CNTLN: variants seen among roughly 807,000 people sequenced by gnomAD.
The protein encoded by CNTLN is centlein, also known as centlein, centrosomal protein.
Under a neutral mutation model 180.0 loss-of-function variants are expected in CNTLN, and 212 were observed. That is an observed-to-expected ratio of 1.18 (90% CI 1.05 to 1.32). CNTLN has a LOEUF of 1.32. Among genes scored for constraint, CNTLN ranks in the 40% most tolerant of loss-of-function variants. CNTLN has a pLI of 0.00. For missense variants in CNTLN, 2,095 were observed against 1,610.9 expected, an observed-to-expected ratio of 1.30 and a Z score of -5.14; for synonymous variants, 722 against 563.1, an observed-to-expected ratio of 1.28 and a Z score of -3.99.
intron 11 of CNTLN, among the ~76,000 whole-genome samples, chr9:17,341,330 A>C (rs1821466217): frequency 6.6e-6 from 1 of 152,224 alleles, no homozygotes. Context: ...AAAGTATTTA[A>C]ATTTTAGTGG....
At chr9:17,191,367 C>T (rs1411234945) in intron 2 of CNTLN, among the ~76,000 whole-genome samples, 1 of 152,200 alleles carries the variant, frequency 6.6e-6, no homozygotes, top group Admixed American at 6.5e-5. Flanking sequence ...GTAGTCTGTG[C>T]AGTGTCCAAT....
chr9:17,273,804 A>T lies in CNTLN; in HGVS notation c.921A>T (p.Ser307=), dbSNP rs750579592. ...EVSQSKYNAL[S]LQLSNKQTEL... is the part of the protein sequence containing the mutation. ...CACAGAGTAAATACAATGCTCTATC[A>T]TTACAGTTGAGTAATAAACAGACTG... is the stretch of plus-strand genomic sequence containing the variant. Residue 307 remains serine (S), a synonymous_variant, in exon 6 of 26, where the codon TCA becomes TCT. Coordinates refer to ENST00000380647, the MANE Select transcript of CNTLN (RefSeq NM_017738.4). 3.2e-6 allele frequency: 5 copies of T among 1,576,174 alleles called. No individual in the cohort carries two copies.
chr9:17,322,951 T>A (rs1820017712), intron 8 of CNTLN, among the ~76,000 whole-genome samples: 1 of 152,232 alleles, frequency 6.6e-6, no homozygotes, highest in Non-Finnish European at 1.5e-5. Flanking sequence ...TATGCCTTGA[T>A]AACTTGTAAT....
chr9:17,333,071 A>G lies in CNTLN; in HGVS notation c.1644+341A>G, dbSNP rs1175574641. The stretch of plus-strand genomic sequence containing the variant: ...ATTTCTTCTTCTTTATATATGATAA[A>G]CATATGTAAATGAAAGTGAGTTTAA... On this transcript the variant is annotated intron_variant, in intron 10 of 25. Transcript: ENST00000380647. 4.6e-5 allele frequency among the ~76,000 whole-genome samples: 7 copies of G among 152,230 alleles called. No individual in the cohort carries two copies. The East Asian group carries it at 9.6e-4, about 21-fold the overall frequency.
chr9:17,267,350 A>T (rs531051669), intron 5 of CNTLN, among the ~76,000 whole-genome samples: 11 of 152,082 alleles, frequency 7.2e-5, no homozygotes, highest in Non-Finnish European at 1.3e-4. Context: ...TTTTTTTAAG[A>T]ATGTTGAATA....
the CNTLN span, among the ~76,000 whole-genome samples, chr9:17,525,142 C>T: frequency 1.3e-5 from 2 of 152,080 alleles, no homozygotes; most frequent in African/African-American, 4.8e-5. Context: ...GCCCAACATC[C>T]CTCAGCCAAA....
intron 2 of CNTLN, among the ~76,000 whole-genome samples, chr9:17,198,099 C>T (rs1002710936): frequency 6.6e-6 from 1 of 151,974 alleles, no homozygotes; most frequent in African/African-American, 2.4e-5. Flanking sequence ...GTCTATGTGT[C>T]TGTTTTTATG....
chr9:17,410,381 A>G (rs1219603569), intron 16 of CNTLN, among the ~76,000 whole-genome samples: 3 of 152,086 alleles, frequency 2.0e-5, no homozygotes, highest in East Asian at 3.8e-4. Context: ...CCATTTTCCA[A>G]ATGAGTTGTC....
At chr9:17,519,661 C>T in the CNTLN span, among the ~76,000 whole-genome samples, 1 of 152,152 alleles carries the variant, frequency 6.6e-6, no homozygotes, top group African/African-American at 2.4e-5. Context: ...TGGACTCCAT[C>T]ACCGATGAAA....
downstream of CNTLN, among the ~76,000 whole-genome samples, chr9:17,507,759 T>C (rs983604936): frequency 1.3e-5 from 2 of 152,190 alleles, no homozygotes; most frequent in African/African-American, 4.8e-5. Flanking sequence ...CAGAAATTTT[T>C]TTCTGCTCAC....
chr9:17,211,372 G>C (rs1823294981), intron 2 of CNTLN, among the ~76,000 whole-genome samples: 1 of 152,140 alleles, frequency 6.6e-6, no homozygotes, highest in African/African-American at 2.4e-5. Context: ...TTGTAGATGT[G>C]TGGTATTATT....
downstream of CNTLN, among the ~76,000 whole-genome samples, chr9:17,508,885 T>C (rs1202900114): frequency 2.0e-5 from 3 of 152,080 alleles, no homozygotes; most frequent in South Asian, 2.1e-4. Context: ...GATTGAAAAA[T>C]TGGTTACAAT....
chr9:17,367,123 G>T (rs752215928), intron 13 of CNTLN, among the ~76,000 whole-genome samples: 13 of 152,218 alleles, frequency 8.5e-5, no homozygotes, highest in African/African-American at 3.1e-4. Context: ...TAAATTACCA[G>T]TGCCACCCTT....
Position 17,143,276 on chromosome 9 carries a change from T to C in CNTLN, c.361-12T>C. On this transcript the variant is annotated splice_polypyrimidine_tract_variant and intron_variant, in intron 1 of 25. Coordinates refer to ENST00000380647, the MANE Select transcript of CNTLN (RefSeq NM_017738.4). ...AAAGCAATGCATCTAAATTCTCTTT[T>C]ATTTCTTTAAGGCTGATAAAGAATT... 3 of 1,597,368 alleles carry C rather than the reference T, an allele frequency of 1.9e-6. No homozygotes were observed. Among genetic ancestry groups the C allele is most frequent in the Non-Finnish European group, 2.6e-6 (3 of 1,168,754 alleles).
At chr9:17,320,546 A>G (rs10810754) in intron 8 of CNTLN, among the ~76,000 whole-genome samples, 83,359 of 151,880 alleles carry the variant, frequency 0.55, 23,589 homozygotes, top group East Asian at 0.73. Flanking sequence ...CTTGTAGCCC[A>G]GGCTGCAGTG....
intron 2 of CNTLN, among the ~76,000 whole-genome samples, chr9:17,216,080 C>T (rs1452738780): frequency 6.6e-6 from 1 of 152,136 alleles, no homozygotes; most frequent in African/African-American, 2.4e-5. Context: ...ATCTGACAAG[C>T]CCCAGTGAGT....
At chr9:17,311,590 A>G (rs1383798159) in intron 8 of CNTLN, among the ~76,000 whole-genome samples, 2 of 151,674 alleles carry the variant, frequency 1.3e-5, no homozygotes, top group Non-Finnish European at 2.9e-5. Context: ...CGGGCGAATC[A>G]TGAGGTCAAG....
chr9:17,450,788 G>T (rs1244886408), intron 18 of CNTLN, among the ~76,000 whole-genome samples: 1 of 152,054 alleles, frequency 6.6e-6, no homozygotes, highest in East Asian at 1.9e-4. Context: ...TTTTTCAGAA[G>T]AAATTTTGTT....
intron 12 of CNTLN, among the ~76,000 whole-genome samples, chr9:17,347,920 C>T (rs886930003): frequency 6.6e-6 from 1 of 152,006 alleles, no homozygotes; most frequent in African/African-American, 2.4e-5. Flanking sequence ...CAACCCCTGC[C>T]TCCCGGGTTC....
Sources: allele counts gnomAD v4.1 joint callset (sites outside exome capture counted in the v4.1 genomes callset), GRCh38; gene constraint gnomAD v4.1.1; transcripts MANE v1.5; gene names NCBI Gene and HGNC (gene_info 2026-07-23, HGNC 2026-07-21).